CCDC148: variants seen among roughly 807,000 people sequenced by gnomAD.
CCDC148 encodes the protein coiled-coil domain containing 148.
In CCDC148, 89 loss-of-function variants were observed where a neutral mutation model predicts 85.7. That is an observed-to-expected ratio of 1.04 (90% CI 0.87 to 1.24). The LOEUF (loss-of-function observed/expected upper bound fraction) is 1.24. Ranked by LOEUF, CCDC148 falls within the 50% of genes most tolerant of loss-of-function variation. The pLI, the probability that CCDC148 is intolerant of heterozygous loss-of-function variation, is 0.00. For missense variants in CCDC148, 692 were observed against 671.7 expected (o/e 1.03, Z -0.33); for synonymous variants, 230 against 213.9 (o/e 1.08, Z -0.66).
intron 9 of CCDC148, among the ~76,000 whole-genome samples, chr2:158,276,013 A>T (rs558086372): frequency 1.3e-5 from 2 of 152,078 alleles, no homozygotes; most frequent in South Asian, 2.1e-4. Flanking sequence ...GAGTAAATGG[A>T]TTTGGTTAAG....
intron 11 of CCDC148, among the ~76,000 whole-genome samples, chr2:158,201,090 G>A (rs1685930221): frequency 2.3e-5 from 3 of 132,018 alleles, no homozygotes; most frequent in South Asian, 6.4e-4. Flanking sequence ...TGCCACTGGA[G>A]TGTCATTGTT....
chr2:158,222,704 T>C (rs1386471709), intron 10 of CCDC148, among the ~76,000 whole-genome samples: 1 of 152,214 alleles, frequency 6.6e-6, no homozygotes, highest in African/African-American at 2.4e-5. Flanking sequence ...CAGGCCATTA[T>C]GATATGTACA....
chr2:158,171,585 T>C lies in CCDC148; in HGVS notation c.*528A>G, dbSNP rs1336403607. ...TATTCTTAAGGGCTAATTTGCAAAA[T>C]GAAATTGTTTGGATGATTGGTTTGC... On this transcript the variant is annotated 3_prime_UTR_variant, in exon 14 of 14. Transcript: ENST00000283233. 6.6e-6 allele frequency: 1 copy of C among 151,898 alleles called. No homozygotes were observed. Among genetic ancestry groups the C allele is most frequent in the Non-Finnish European group, 1.5e-5 (1 of 67,930 alleles). 9.4% of individuals were successfully genotyped at this position (151,898 alleles called of 1,614,324 possible).
chr2:158,276,267 C>T (rs1689937775), intron 9 of CCDC148, among the ~76,000 whole-genome samples: 1 of 152,006 alleles, frequency 6.6e-6, no homozygotes. Flanking sequence ...CCTGTCTCTA[C>T]TAAAAATACA....
At chr2:158,344,689 T>C (rs552356214) in intron 3 of CCDC148, among the ~76,000 whole-genome samples, 3 of 152,162 alleles carry the variant, frequency 2.0e-5, no homozygotes, top group African/African-American at 7.2e-5. Flanking sequence ...CTGGAAATAA[T>C]AACAAAAGTC....
At position 158,176,659 on chromosome 2, in the gene CCDC148, A is replaced by C. The variant is rs1339387467; in HGVS notation, c.1491T>G (p.Val497=). The C allele has an allele frequency of 1.9e-6, 3 of 1,611,768 alleles. No homozygotes were observed. The highest frequency in any genetic ancestry group is 1.7e-5 in the Admixed American group (1 of 59,858). Residue 497 remains valine, a splice_region_variant and synonymous_variant, in exon 13 of 14, where the codon GTT becomes GTG. Coordinates refer to ENST00000283233, the MANE Select transcript of CCDC148 (RefSeq NM_138803.4). ...ARRLEALRKQ[V]AVVAQFDPVR... is the part of the protein sequence containing the mutation. ...CAGGATCAAATTGAGCAACAACAGC[A>C]ACCTAAAAATGAGAAAGCATGGCTA...
At chr2:158,302,620 C>A (rs1352290187) in intron 9 of CCDC148, among the ~76,000 whole-genome samples, 1 of 152,040 alleles carries the variant, frequency 6.6e-6, no homozygotes, top group African/African-American at 2.4e-5. Context: ...GCTGCCTCTA[C>A]TAAAAATACA....
At chr2:158,373,099 C>G (rs1684516900) in intron 1 of CCDC148, among the ~76,000 whole-genome samples, 1 of 151,952 alleles carries the variant, frequency 6.6e-6, no homozygotes, top group African/African-American at 2.4e-5. Context: ...TCAGAAGGGC[C>G]TCATTAGAAG....
At chr2:158,449,031 T>A (rs1327843016) in intron 1 of CCDC148, among the ~76,000 whole-genome samples, 1 of 151,942 alleles carries the variant, frequency 6.6e-6, no homozygotes, top group African/African-American at 2.4e-5. Context: ...TTTCACCATG[T>A]TGGCCAGGCT....
At chr2:158,410,087 G>A (rs1368098663) in intron 1 of CCDC148, among the ~76,000 whole-genome samples, 1 of 152,098 alleles carries the variant, frequency 6.6e-6, no homozygotes, top group Non-Finnish European at 1.5e-5. Context: ...GTCTTTATCA[G>A]CAGCATGAAA....
intron 1 of CCDC148, among the ~76,000 whole-genome samples, chr2:158,401,348 C>T (rs1685772910): frequency 6.6e-6 from 1 of 152,140 alleles, no homozygotes; most frequent in African/African-American, 2.4e-5. Flanking sequence ...GGCACATATA[C>T]ACCATGGAAT....
At chr2:158,258,146 G>A (rs1053257030) in intron 9 of CCDC148, among the ~76,000 whole-genome samples, 1 of 151,784 alleles carries the variant, frequency 6.6e-6, no homozygotes, top group Admixed American at 6.6e-5. Context: ...TAATAGAATG[G>A]AAAATAACAG....
chr2:158,435,154 C>A (rs992386892), intron 1 of CCDC148, among the ~76,000 whole-genome samples: 2 of 152,134 alleles, frequency 1.3e-5, no homozygotes, highest in African/African-American at 2.4e-5. Flanking sequence ...TCGAGAAGAG[C>A]AACTCCAAGA....
At chr2:158,175,534 T>C (rs993716511) in intron 13 of CCDC148, among the ~76,000 whole-genome samples, 97 of 152,018 alleles carry the variant, frequency 6.4e-4, no homozygotes, top group African/African-American at 2.2e-3. Context: ...CCTGGTGGCA[T>C]TGTTGCTACA....
At chr2:158,407,049 T>TC (rs2105311198) in intron 1 of CCDC148, among the ~76,000 whole-genome samples, 1 of 152,164 alleles carries the variant, frequency 6.6e-6, no homozygotes, top group South Asian at 2.1e-4. Flanking sequence ...TCGCATTTCT[T>TC]CCCCACTCAG....
At chr2:158,250,594 A>T (rs1688749602) in intron 10 of CCDC148, among the ~76,000 whole-genome samples, 178 bp downstream of exon 10, 1 of 150,502 alleles carries the variant, frequency 6.6e-6, no homozygotes, top group Admixed American at 6.7e-5. Flanking sequence ...GTTCTCCTCC[A>T]TGTCAACAAA....
At chr2:158,274,219 T>G (rs540638827) in intron 9 of CCDC148, among the ~76,000 whole-genome samples, 1 of 152,312 alleles carries the variant, frequency 6.6e-6, no homozygotes, top group East Asian at 1.9e-4. Flanking sequence ...AGGAGCTTGT[T>G]AGATATGCAG....
At position 158,281,713 on chromosome 2, in the gene CCDC148, T is replaced by A. The variant is rs559611983; in HGVS notation, c.1110+27720A>T. The stretch of plus-strand genomic sequence containing the variant: ...TACCAGAGGTGCAAGGAGGAACTGG[T>A]ACCATTCCTTCTGAAACAATTCCAA... On this transcript the variant is annotated intron_variant, in intron 9 of 13. Transcript: ENST00000283233. Among the ~76,000 whole-genome samples the A allele has an allele frequency of 8.5e-5, 13 of 152,276 alleles. 1 individual carries two copies. The highest frequency in any genetic ancestry group is 6.5e-4 in the Admixed American group (10 of 15,292).
At chr2:158,397,779 A>G (rs918903079) in intron 1 of CCDC148, among the ~76,000 whole-genome samples, 7 of 152,152 alleles carry the variant, frequency 4.6e-5, no homozygotes, top group African/African-American at 1.7e-4. Flanking sequence ...ACACATAACA[A>G]TATTAACCTT....
Sources: gnomAD v4.1 joint callset for allele counts (sites outside exome capture counted in the v4.1 genomes callset) on GRCh38, gnomAD v4.1.1 for gene constraint, MANE v1.5 for transcripts, NCBI Gene and HGNC (gene_info 2026-07-23, HGNC 2026-07-21) for gene names.